The following CCBE1 variants were observed in gnomAD, a reference collection of about 807,000 sequenced individuals.
CCBE1 encodes the protein collagen and calcium-binding EGF domain-containing protein 1.
A neutral mutation model predicts 50.0 loss-of-function variants in CCBE1; 37 were observed. The observed-to-expected ratio is 0.74, with a 90% CI of 0.57 to 0.97. The LOEUF is 0.97. Ranked by LOEUF, CCBE1 falls within the 50% of genes least tolerant of loss-of-function variation. CCBE1 has a pLI of 0.00. For missense variants in CCBE1, 538 were observed against 523.8 expected (o/e 1.03, Z -0.26); for synonymous variants, 234 against 203.7 (o/e 1.15, Z -1.27).
At chr18:59,670,073 T>C (rs1270410039) in intron 2 of CCBE1, among the ~76,000 whole-genome samples, 1 of 151,910 alleles carries the variant, frequency 6.6e-6, no homozygotes, top group East Asian at 1.9e-4. Flanking sequence ...CTTTCCATCT[T>C]CAACATGTGC....
At chr18:59,633,767 T>C (rs2053882421) in intron 2 of CCBE1, among the ~76,000 whole-genome samples, 1 of 151,948 alleles carries the variant, frequency 6.6e-6, no homozygotes, top group Admixed American at 6.6e-5. Flanking sequence ...ATGCATAAAA[T>C]TTTATACTGA....
chr18:59,672,925 T>G (rs923692734), intron 2 of CCBE1, among the ~76,000 whole-genome samples: 2 of 151,992 alleles, frequency 1.3e-5, no homozygotes, highest in African/African-American at 2.4e-5. Flanking sequence ...GGGTGATAGG[T>G]ACATCAAGAT....
intron 2 of CCBE1, among the ~76,000 whole-genome samples, chr18:59,583,684 C>CGT (rs2053126787): frequency 2.3e-5 from 1 of 43,546 alleles, no homozygotes; most frequent in Non-Finnish European, 6.2e-5. Context: ...TGTGTGTGCG[C>CGT]GCGCGCGCGC....
In CCBE1 at chr18:59,449,625, C is replaced by CA. The variant is rs34310128; in HGVS notation, c.655-1523dup. Among the ~76,000 whole-genome samples, 388 of 126,326 alleles carry CA rather than the reference C, an allele frequency of 3.1e-3. 3 individuals are homozygous for CA. The highest frequency in any genetic ancestry group is 0.019 in the South Asian group (71 of 3,820). 82.9% of individuals were successfully genotyped at this position (126,326 alleles called of 152,430 possible). ...CTGGGCAACAGAGTGAGACTCTGTC[C>CA]AAAAAAAAAAAAAAAAGAAATGCTG... On this transcript the variant is annotated intron_variant, in intron 6 of 10. Coordinates refer to ENST00000439986, the MANE Select transcript of CCBE1 (RefSeq NM_133459.4).
chr18:59,530,744 C>A (rs1033997026), intron 2 of CCBE1, among the ~76,000 whole-genome samples: 1 of 152,186 alleles, frequency 6.6e-6, no homozygotes, highest in Admixed American at 6.5e-5. Context: ...AATAAAGGAA[C>A]AAACAACAAA....
chr18:59,631,109 G>A (rs754222013), intron 2 of CCBE1, among the ~76,000 whole-genome samples: 5 of 151,968 alleles, frequency 3.3e-5, no homozygotes, highest in Admixed American at 6.6e-5. Flanking sequence ...CCTAGATGTG[G>A]CCAAGCAGAA....
At chr18:59,670,875 G>A (rs1170481654) in intron 2 of CCBE1, among the ~76,000 whole-genome samples, 1 of 152,174 alleles carries the variant, frequency 6.6e-6, no homozygotes, top group Non-Finnish European at 1.5e-5. Flanking sequence ...TTGAGCCCGG[G>A]AGGCAGAGGT....
intron 2 of CCBE1, among the ~76,000 whole-genome samples, chr18:59,640,855 G>A (rs2053978577): frequency 6.6e-6 from 1 of 152,060 alleles, no homozygotes; most frequent in Non-Finnish European, 1.5e-5. Context: ...TTCAAAACAA[G>A]ACTGATGCAT....
chr18:59,529,076 G>T (rs6567098), intron 2 of CCBE1, among the ~76,000 whole-genome samples: 2,997 of 152,358 alleles, frequency 0.02, 112 homozygotes, highest in African/African-American at 0.068. Flanking sequence ...AAGAGACTAA[G>T]TCTGCTGATC....
chr18:59,579,400 A>T (rs1256212082), intron 2 of CCBE1, among the ~76,000 whole-genome samples: 1 of 114,398 alleles, frequency 8.7e-6, no homozygotes, highest in Non-Finnish European at 1.6e-5. Context: ...GGGGATCTTT[A>T]AAAAAAAAAA....
chr18:59,475,666 G>A (rs1296397116), intron 3 of CCBE1, among the ~76,000 whole-genome samples: 5 of 151,972 alleles, frequency 3.3e-5, no homozygotes, highest in African/African-American at 4.8e-5. Context: ...CCCTCTCACC[G>A]CCCATGGGAC....
intron 2 of CCBE1, among the ~76,000 whole-genome samples, chr18:59,527,186 G>A (rs1178147158): frequency 1.3e-5 from 2 of 152,188 alleles, no homozygotes; most frequent in Non-Finnish European, 2.9e-5. Context: ...GAGTGCTCCT[G>A]TACTGGGTGC....
chr18:59,492,988 G>A (rs1337048255), intron 2 of CCBE1, among the ~76,000 whole-genome samples: 3 of 152,196 alleles, frequency 2.0e-5, no homozygotes, highest in Non-Finnish European at 4.4e-5. Flanking sequence ...CACACTGTGG[G>A]CAGTTCCAGT....
intron 2 of CCBE1, among the ~76,000 whole-genome samples, chr18:59,598,020 A>G (rs1163381197): frequency 6.6e-6 from 1 of 152,250 alleles, no homozygotes; most frequent in Middle Eastern, 3.2e-3. Flanking sequence ...AACTAGAGAC[A>G]GAAAAGAGAA....
intron 5 of CCBE1, among the ~76,000 whole-genome samples, chr18:59,458,286 G>A (rs1911299380): frequency 6.6e-6 from 1 of 152,168 alleles, no homozygotes; most frequent in African/African-American, 2.4e-5. Context: ...TCTGCTGTTA[G>A]CCAGGTCCTG....
At chr18:59,597,038 G>C (rs2053361969) in intron 2 of CCBE1, among the ~76,000 whole-genome samples, 2 of 152,224 alleles carry the variant, frequency 1.3e-5, no homozygotes, top group African/African-American at 4.8e-5. Flanking sequence ...ATAATCAAAA[G>C]CTTCCACATG....
At chr18:59,655,518 GAGATCCT>G (rs1262684120) in intron 2 of CCBE1, among the ~76,000 whole-genome samples, 1 of 152,190 alleles carries the variant, frequency 6.6e-6, no homozygotes, top group Non-Finnish European at 1.5e-5. Context: ...GGTCCATATG[GAGATCCT>G]TTGGGCTTTT....
intron 2 of CCBE1, among the ~76,000 whole-genome samples, chr18:59,664,485 T>A (rs569498186): frequency 6.6e-6 from 1 of 152,308 alleles, no homozygotes; most frequent in Non-Finnish European, 1.5e-5. Context: ...ATCCTGAGCA[T>A]GACCCCACCT....
At chr18:59,677,098 C>T (rs546582084) in intron 2 of CCBE1, among the ~76,000 whole-genome samples, 1 of 152,094 alleles carries the variant, frequency 6.6e-6, no homozygotes, top group Non-Finnish European at 1.5e-5. Flanking sequence ...GGTTCAGGAT[C>T]ATACCTTCTG....
Sources: allele counts gnomAD v4.1 joint callset (sites outside exome capture counted in the v4.1 genomes callset), GRCh38; gene constraint gnomAD v4.1.1; transcripts MANE v1.5; gene names NCBI Gene and HGNC (gene_info 2026-07-23, HGNC 2026-07-21).